RPA2: variants seen among roughly 807,000 people sequenced by gnomAD.
RPA2 encodes the protein replication protein A2, also known as replication protein A 32 kDa subunit.
RPA2 carries 22 observed loss-of-function variants against 33.4 expected under a neutral mutation model. The ratio of observed to expected loss-of-function variants is 0.66; its 90% CI spans 0.47 to 0.94. The LOEUF (loss-of-function observed/expected upper bound fraction) is 0.94. Among genes scored for constraint, RPA2 ranks in the 40% least tolerant of loss-of-function variants. The pLI is 0.00. For synonymous variants in RPA2, 109 were observed against 114.9 expected (o/e 0.95, Z 0.33); for missense variants, 279 against 329.9 (o/e 0.85, Z 1.19).
intron 4 of RPA2, among the ~76,000 whole-genome samples, chr1:27,898,738 T>C (rs2089923960): frequency 6.6e-6 from 1 of 151,964 alleles, no homozygotes; most frequent in Non-Finnish European, 1.5e-5. Context: ...TTTGTATCTT[T>C]AGTAGAGACG....
chr1:27,904,032 C>T (rs1198926850), intron 4 of RPA2, among the ~76,000 whole-genome samples: 5 of 151,804 alleles, frequency 3.3e-5, no homozygotes, highest in Non-Finnish European at 5.9e-5. Flanking sequence ...GGTGTGGTGG[C>T]ACATGCCTGT....
intron 5 of RPA2, 83 bp from the exon 6 acceptor site, chr1:27,897,204 A>T (rs554434025): frequency 2.6e-5 from 23 of 880,576 alleles, no homozygotes; most frequent in Non-Finnish European, 4.2e-5. Context: ...TTCCTTGGTT[A>T]TAATATTAAT....
intron 2 of RPA2, among the ~76,000 whole-genome samples, chr1:27,908,775 G>A (rs150015046): frequency 1.4e-3 from 217 of 152,338 alleles, no homozygotes; most frequent in African/African-American, 5.0e-3. Context: ...TGGGATTATA[G>A]GCGTGAGCCA....
At chr1:27,893,471 A>G (rs560811197) in intron 8 of RPA2, among the ~76,000 whole-genome samples, 68 of 151,600 alleles carry the variant, frequency 4.5e-4, no homozygotes, top group Non-Finnish European at 1.3e-4. Context: ...GTGCCCGGCT[A>G]ATTTGTTTTT....
Position 27,908,521 on chromosome 1 carries a change from A to T in RPA2, c.118-1239T>A, listed in dbSNP as rs908723633. The stretch of plus-strand genomic sequence containing the variant: ...AATTATATCTTTTTTTTTGAGATGG[A>T]GTCTCACTCTGTTGCCTAGGCTGGA... On this transcript the variant is annotated intron_variant, in intron 2 of 8. Transcript: ENST00000373912. Among the ~76,000 whole-genome samples, 3 of 151,624 alleles carry T rather than the reference A, an allele frequency of 2.0e-5. No homozygotes were observed. In the South Asian group the frequency reaches 6.2e-4, roughly 32 times the overall value.
intron 4 of RPA2, 63 bp downstream of exon 4, chr1:27,906,865 A>C (rs1021751563): frequency 1.7e-6 from 2 of 1,155,328 alleles, no homozygotes; most frequent in Non-Finnish European, 2.5e-6. Context: ...AAAAAGACTA[A>C]AAAAGTTCAA....
At chr1:27,914,190 A>C (rs2090138591) in intron 1 of RPA2, 21 bp from the exon 2 acceptor site, 1 of 1,613,404 alleles carries the variant, frequency 6.2e-7, no homozygotes, top group African/African-American at 1.3e-5. Flanking sequence ...CAACAGGATT[A>C]GTGCCTGTGC....
At chr1:27,894,127 G>A (rs1468928219) in intron 7 of RPA2, 21 bp from the exon 8 acceptor site, 1 of 1,607,022 alleles carries the variant, frequency 6.2e-7, no homozygotes, top group African/African-American at 1.3e-5. Context: ...AAATCAGAAA[G>A]ATTTTAGCAA....
chr1:27,895,131 TTCTA>T (rs1375731882), intron 6 of RPA2, among the ~76,000 whole-genome samples: 2 of 152,156 alleles, frequency 1.3e-5, no homozygotes, highest in Non-Finnish European at 2.9e-5. Context: ...CATTAGCCTC[TTCTA>T]TCTGTCTCCC....
At chr1:27,896,516 G>A (rs539443424) in intron 6 of RPA2, among the ~76,000 whole-genome samples, 54 of 152,252 alleles carry the variant, frequency 3.5e-4, no homozygotes, top group African/African-American at 1.3e-3. Flanking sequence ...CATGGTCCTA[G>A]ATGGACTTGT....
At chr1:27,914,681 C>A (rs746712127), upstream of RPA2, 4 of 1,612,402 alleles carry the variant, frequency 2.5e-6, no homozygotes, top group Non-Finnish European at 2.5e-6. Context: ...ACGCGTACTG[C>A]GCTCCCAGTT....
At chr1:27,914,278 T>C (rs753279967) in intron 1 of RPA2, 109 bp from the exon 2 acceptor site, 1 of 1,597,872 alleles carries the variant, frequency 6.3e-7, no homozygotes, top group Admixed American at 1.8e-5. Context: ...CTCCCTAACC[T>C]TCCTCGCCGC....
chr1:27,894,101 C>T lies in RPA2; in HGVS notation c.639G>A (p.Leu213=). The T allele has an allele frequency of 6.2e-7, 1 of 1,613,602 alleles. No individual in the cohort carries two copies. The highest frequency in any genetic ancestry group is 1.1e-5 in the South Asian group (1 of 91,058). ...NGLTVAQNQV[L]NLIKACPRPE... is the part of the protein sequence containing the mutation. The stretch of plus-strand genomic sequence containing the variant: ...GTCTTGGACAAGCCTTAATCAAATT[C>T]AACACCTGAAGATTCAAATCAGAAA... The change falls in exon 8 of 9, where the codon TTG becomes TTA. Residue 213 remains leucine, a synonymous_variant. Coordinates refer to ENST00000373912, the MANE Select transcript of RPA2 (RefSeq NM_002946.5).
At position 27,906,993 on chromosome 1, in the gene RPA2, T is replaced by C. The variant is rs1469972602; in HGVS notation, c.268A>G (p.Ile90Val). 8 of 1,613,882 alleles carry C rather than the reference T, an allele frequency of 5.0e-6. No individual in the cohort carries two copies. The highest frequency in any genetic ancestry group is 6.8e-6 in the Non-Finnish European group (8 of 1,180,014). ...IRHAEKAPTN[I>V]VYKIDDMTAA... ...GTCATGTCATCTATTTTGTAAACAATGTTGGTTGGAGCCTTCTCTGCATGT... is the reference window on the plus strand; with the variant it reads ...GTCATGTCATCTATTTTGTAAACAACGTTGGTTGGAGCCTTCTCTGCATGT... The change falls in exon 4 of 9, where the codon ATT (isoleucine) becomes GTT (valine). Residue 90 changes from isoleucine to valine, a missense_variant. Around this residue, in one of 2 missense-constraint regions of RPA2, gnomAD observed 274 missense variants for 310.3 expected, o/e 0.88. Transcript: ENST00000373912.
At chr1:27,908,763 G>A (rs1423305757) in intron 2 of RPA2, among the ~76,000 whole-genome samples, 1 of 152,208 alleles carries the variant, frequency 6.6e-6, no homozygotes, top group Admixed American at 6.5e-5. Flanking sequence ...CTCTCAAAGT[G>A]TTGGGATTAT....
At chr1:27,895,614 C>G (rs2089881143) in intron 6 of RPA2, among the ~76,000 whole-genome samples, 2 of 151,658 alleles carry the variant, frequency 1.3e-5, no homozygotes, top group East Asian at 3.9e-4. Flanking sequence ...GCCTGTGGTC[C>G]CAGCTACTCG....
intron 8 of RPA2, among the ~76,000 whole-genome samples, chr1:27,893,389 T>C (rs1435938751): frequency 6.6e-6 from 1 of 152,174 alleles, no homozygotes; most frequent in East Asian, 1.9e-4. Context: ...CACTGCAGCC[T>C]TGACTTTCTG....
intron 5 of RPA2, 109 bp from the exon 6 acceptor site, chr1:27,897,230 G>A (rs1266309154): frequency 2.7e-6 from 2 of 754,328 alleles, no homozygotes; most frequent in African/African-American, 3.6e-5. Context: ...ACCAATATGA[G>A]AAAAATGTTA....
intron 6 of RPA2, among the ~76,000 whole-genome samples, chr1:27,895,133 C>T (rs1571604356): frequency 6.6e-6 from 1 of 152,162 alleles, no homozygotes; most frequent in African/African-American, 2.4e-5. Context: ...TTAGCCTCTT[C>T]TATCTGTCTC....
Sources: gnomAD v4.1 joint callset for allele counts (sites outside exome capture counted in the v4.1 genomes callset) on GRCh38, gnomAD v4.1.1 for gene constraint, gnomAD v4.1.1 regional missense constraint, MANE v1.5 for transcripts, NCBI Gene and HGNC (gene_info 2026-07-23, HGNC 2026-07-21) for gene names.